NBAS: variants seen among roughly 807,000 people sequenced by gnomAD.
NBAS encodes NAG/BC035112 fusion.
NBAS carries 219 observed loss-of-function variants against 302.5 expected under a neutral mutation model. The observed-to-expected ratio is 0.72, with a 90% confidence interval of 0.65 to 0.81. The LOEUF (loss-of-function observed/expected upper bound fraction) is 0.81, where lower values mean the gene tolerates loss of function less well. NBAS is among the 30% of genes least tolerant of loss of function. The pLI, the probability that NBAS is intolerant of heterozygous loss-of-function variation, is 0.00. For synonymous variants in NBAS, 1,118 were observed against 1,021.6 expected, an observed-to-expected ratio of 1.09 and a Z score of -1.80; for missense variants, 2,932 against 2,841.6, an observed-to-expected ratio of 1.03 and a Z score of -0.72.
At chr2:15,025,366 T>C in the NBAS span, among the ~76,000 whole-genome samples, 117,245 of 152,154 alleles carry the variant, frequency 0.77, 45,446 homozygotes, top group East Asian at 1. Flanking sequence ...GGGTTACCAT[T>C]GCCTTGCAGT....
the NBAS span, among the ~76,000 whole-genome samples, chr2:14,941,886 G>C: frequency 1.3e-5 from 2 of 152,166 alleles, no homozygotes; most frequent in East Asian, 3.8e-4. Flanking sequence ...CAGAGAAAGA[G>C]GGGGAGGCTC....
At chr2:15,130,286 T>C in the NBAS span, among the ~76,000 whole-genome samples, 1 of 152,364 alleles carries the variant, frequency 6.6e-6, no homozygotes, top group East Asian at 1.9e-4. Context: ...TTGCTTATTA[T>C]TCATTCGTAT....
the NBAS span, among the ~76,000 whole-genome samples, chr2:15,115,175 G>A: frequency 6.6e-6 from 1 of 152,168 alleles, no homozygotes; most frequent in African/African-American, 2.4e-5. Context: ...ATGGGCTTCT[G>A]ATGAATAAAT....
Position 15,277,053 on chromosome 2 carries a change from A to C in NBAS, c.5187T>G (p.Phe1729Leu). 6.2e-7 allele frequency: 1 copy of C among 1,613,778 alleles called. No individual in the cohort carries two copies. Among genetic ancestry groups the C allele is most frequent in the Non-Finnish European group, 8.5e-7 (1 of 1,179,886 alleles). The change falls in exon 43 of 52, where the codon TTT (phenylalanine) becomes TTG (leucine). Residue 1729 changes from phenylalanine to leucine, a missense_variant. Coordinates refer to ENST00000281513, the MANE Select transcript of NBAS (RefSeq NM_015909.4). ...IENRAQDLHLFETLKTDPEAF... is the reference protein window; with the variant it reads ...IENRAQDLHLLETLKTDPEAF... ...CTTCTGGATCAGTCTTCAAAGTCTC[A>C]AAGAGATGAAGGTCTTGGGCTCTAT...
chr2:15,353,723 C>G lies in NBAS; in HGVS notation c.3932-13G>C, dbSNP rs752480264. 6.8e-6 allele frequency: 11 copies of G among 1,613,494 alleles called. No homozygotes were observed. The highest frequency in any genetic ancestry group is 3.3e-5 in the Admixed American group (2 of 59,942). On this transcript the variant is annotated splice_polypyrimidine_tract_variant and intron_variant, in intron 33 of 51. Coordinates refer to ENST00000281513, the MANE Select transcript of NBAS (RefSeq NM_015909.4). ...CTTTTAGGATAACCTGCAAAATTGG[C>G]AAGGAAAAAAATGATTCCCAAAAGA...
At chr2:15,024,167 T>C in the NBAS span, among the ~76,000 whole-genome samples, 96 of 152,188 alleles carry the variant, frequency 6.3e-4, 1 homozygote, top group African/African-American at 2.2e-3. Context: ...TGTTCACCTC[T>C]TTCTATCCAT....
intron 49 of NBAS, among the ~76,000 whole-genome samples, chr2:15,189,440 C>G (rs115410423): frequency 6.6e-6 from 1 of 152,110 alleles, no homozygotes; most frequent in Non-Finnish European, 1.5e-5. Context: ...GTTCACTGGC[C>G]TGTGGGGGCA....
the NBAS span, among the ~76,000 whole-genome samples, chr2:15,116,294 A>G: frequency 2.0e-5 from 3 of 152,200 alleles, no homozygotes; most frequent in African/African-American, 7.2e-5. Context: ...CAGTTTAAAA[A>G]CCATAAAAAT....
At chr2:15,070,398 C>CCTGCTGTTGGCTGCTTG in the NBAS span, among the ~76,000 whole-genome samples, 1 of 152,142 alleles carries the variant, frequency 6.6e-6, no homozygotes, top group Non-Finnish European at 1.5e-5. Context: ...AGCTCCTGCC[C>CCTGCTGTTGGCTGCTTG]CTGCTGTTGG....
At chr2:15,147,988 T>C in the NBAS span, among the ~76,000 whole-genome samples, 1 of 152,174 alleles carries the variant, frequency 6.6e-6, no homozygotes, top group African/African-American at 2.4e-5. Flanking sequence ...GGTGCCTTGC[T>C]CTGTGCTGGG....
At chr2:15,159,565 AG>A in the NBAS span, among the ~76,000 whole-genome samples, 2 of 151,544 alleles carry the variant, frequency 1.3e-5, no homozygotes, top group South Asian at 2.1e-4. Flanking sequence ...AAATACCTAG[AG>A]TAGTCCAATT....
intron 44 of NBAS, among the ~76,000 whole-genome samples, chr2:15,243,330 C>T (rs1667945808): frequency 6.6e-6 from 1 of 152,116 alleles, no homozygotes; most frequent in Non-Finnish European, 1.5e-5. Flanking sequence ...TATCCAGTTT[C>T]CCTTTTTTAA....
At chr2:15,409,141 T>C (rs1254523334) in intron 25 of NBAS, among the ~76,000 whole-genome samples, 1 of 152,228 alleles carries the variant, frequency 6.6e-6, no homozygotes, top group East Asian at 1.9e-4. Flanking sequence ...GTATCCATTG[T>C]TCTTAAGAAG....
intron 11 of NBAS, among the ~76,000 whole-genome samples, chr2:15,494,171 C>T (rs1680978332): frequency 1.3e-5 from 2 of 152,142 alleles, no homozygotes; most frequent in South Asian, 4.1e-4. Context: ...TTTCACATTC[C>T]TCGTTTTTAT....
At chr2:15,369,816 T>C (rs558464129) in intron 31 of NBAS, among the ~76,000 whole-genome samples, 2 of 151,656 alleles carry the variant, frequency 1.3e-5, no homozygotes, top group Non-Finnish European at 2.9e-5. Flanking sequence ...AACACACGTA[T>C]ACACACACAC....
chr2:15,014,807 T>G, the NBAS span, among the ~76,000 whole-genome samples: 1 of 151,584 alleles, frequency 6.6e-6, no homozygotes, highest in Admixed American at 6.6e-5. Flanking sequence ...CAGAAATAAA[T>G]AAAATTGAGA....
intron 48 of NBAS, among the ~76,000 whole-genome samples, chr2:15,212,050 G>A (rs1666436410): frequency 6.6e-6 from 1 of 152,156 alleles, no homozygotes; most frequent in African/African-American, 2.4e-5. Context: ...TGTAACTTAG[G>A]CAAAAATCAG....
At chr2:15,530,859 A>C (rs1449375215) in intron 9 of NBAS, among the ~76,000 whole-genome samples, 1 of 152,128 alleles carries the variant, frequency 6.6e-6, no homozygotes, top group African/African-American at 2.4e-5. Context: ...GCCAAGTCAT[A>C]ACATGGTCAA....
the NBAS span, among the ~76,000 whole-genome samples, chr2:15,125,246 A>G: frequency 6.6e-6 from 1 of 152,204 alleles, no homozygotes. Context: ...TAATTGGCTC[A>G]CAGTTCTGCA....
Sources: gnomAD v4.1 joint callset for allele counts (sites outside exome capture counted in the v4.1 genomes callset) on GRCh38, gnomAD v4.1.1 for gene constraint, MANE v1.5 for transcripts, NCBI Gene and HGNC (gene_info 2026-07-23, HGNC 2026-07-21) for gene names.